Variants in MAGI3 observed in about 807,000 individuals in gnomAD.
The protein encoded by MAGI3 is membrane-associated guanylate kinase, WW and PDZ domain-containing protein 3.
Under a neutral mutation model 121.8 loss-of-function variants are expected in MAGI3, and 43 were observed. The ratio of observed to expected loss-of-function variants is 0.35; its 90% CI spans 0.28 to 0.46. MAGI3 has a LOEUF of 0.46. MAGI3 is among the 20% of genes least tolerant of loss of function. The probability of loss-of-function intolerance (pLI) is 1.00; values close to 1 mark genes in which losing one functional copy is unlikely to be tolerated. For missense variants in MAGI3, 1,547 were observed against 1,797.3 expected (o/e 0.86, Z 2.52); for synonymous variants, 553 against 639.3 (o/e 0.86, Z 2.04).
intron 6 of MAGI3, among the ~76,000 whole-genome samples, chr1:113,600,907 A>G (rs571766763): frequency 2.0e-4 from 31 of 152,338 alleles, no homozygotes; most frequent in African/African-American, 6.7e-4. Flanking sequence ...GCCCTCAGAA[A>G]TAGCGCCGCC....
chr1:113,676,748 C>A (rs973785372), intron 19 of MAGI3, among the ~76,000 whole-genome samples: 1 of 152,094 alleles, frequency 6.6e-6, no homozygotes, highest in African/African-American at 2.4e-5. Flanking sequence ...CTGAGTGCCC[C>A]TCTCTGCCTC....
At chr1:113,638,059 G>A (rs1234746226) in intron 9 of MAGI3, among the ~76,000 whole-genome samples, 2 of 152,114 alleles carry the variant, frequency 1.3e-5, no homozygotes, top group Admixed American at 1.3e-4. Flanking sequence ...CGTAGTTCTC[G>A]AGCCTTGGCT....
intron 16 of MAGI3, among the ~76,000 whole-genome samples, chr1:113,661,264 G>C (rs949167932): frequency 6.6e-6 from 1 of 152,146 alleles, no homozygotes; most frequent in Admixed American, 6.5e-5. Flanking sequence ...TCAGGTCTCT[G>C]TTTAAATCTC....
intron 1 of MAGI3, among the ~76,000 whole-genome samples, chr1:113,515,900 T>C (rs1657875034): frequency 6.6e-6 from 1 of 152,072 alleles, no homozygotes. Context: ...ATTGTACTAT[T>C]ATAGATCAAT....
chr1:113,421,496 G>C (rs1249034986), intron 1 of MAGI3, among the ~76,000 whole-genome samples: 1 of 152,136 alleles, frequency 6.6e-6, no homozygotes, highest in Non-Finnish European at 1.5e-5. Flanking sequence ...ATAAAATCCA[G>C]GCTTTAGAGC....
chr1:113,621,958 G>A (rs997214862), intron 8 of MAGI3, among the ~76,000 whole-genome samples: 1 of 152,064 alleles, frequency 6.6e-6, no homozygotes, highest in Non-Finnish European at 1.5e-5. Flanking sequence ...GATGTGGGTT[G>A]GGGAGAAATT....
chr1:113,391,468 G>C lies in MAGI3; in HGVS notation c.316+119G>C. ...GTCCCGGGTAATCTTAGACCTCTAG[G>C]GTGTGCCAGACTCCTTGACGAGGGG... On this transcript the variant is annotated intron_variant, in intron 1 of 20. Transcript: ENST00000307546. This position sits in a 1 kb window ranked among gnomAD's most constrained non-coding sequence, Gnocchi z 4.4. The C allele has an allele frequency of 8.6e-7, 1 of 1,158,440 alleles. No homozygotes were observed. Among genetic ancestry groups the C allele is most frequent in the South Asian group, 1.5e-5 (1 of 65,640 alleles). 71.8% of individuals were successfully genotyped at this position (1,158,440 alleles called of 1,614,324 possible).
intron 1 of MAGI3, among the ~76,000 whole-genome samples, chr1:113,517,388 C>T (rs980284011): frequency 9.9e-5 from 15 of 151,714 alleles, no homozygotes; most frequent in African/African-American, 3.6e-4. Flanking sequence ...AGCAAAATTT[C>T]ACCTAGTTGA....
At chr1:113,660,388 G>A (rs1206196294) in intron 16 of MAGI3, among the ~76,000 whole-genome samples, 2 of 151,950 alleles carry the variant, frequency 1.3e-5, no homozygotes, top group Non-Finnish European at 2.9e-5. Context: ...CTGTGATTTT[G>A]CTCTCAGCCT....
intron 1 of MAGI3, among the ~76,000 whole-genome samples, chr1:113,482,301 G>T (rs1656149432): frequency 6.6e-6 from 1 of 151,850 alleles, no homozygotes; most frequent in Non-Finnish European, 1.5e-5. Context: ...GTAGTCTTTT[G>T]ATAGTTGTCT....
chr1:113,618,184 T>C (rs545264194), intron 7 of MAGI3, among the ~76,000 whole-genome samples: 28 of 152,078 alleles, frequency 1.8e-4, no homozygotes, highest in African/African-American at 6.8e-4. Context: ...AAAATTTTTT[T>C]TAATTAGCTG....
intron 1 of MAGI3, among the ~76,000 whole-genome samples, chr1:113,394,272 A>G (rs1040868939): frequency 1.3e-5 from 2 of 152,144 alleles, no homozygotes; most frequent in Non-Finnish European, 2.9e-5. Flanking sequence ...TCCTGAATCA[A>G]TTAGGTAGTT....
intron 1 of MAGI3, among the ~76,000 whole-genome samples, chr1:113,530,781 T>G (rs1422055025): frequency 6.6e-6 from 1 of 151,860 alleles, no homozygotes; most frequent in Non-Finnish European, 1.5e-5. Flanking sequence ...TAAGCCCTGG[T>G]GGTGTGCACC....
chr1:113,586,000 A>C (rs1348876227), intron 4 of MAGI3, among the ~76,000 whole-genome samples: 1 of 152,202 alleles, frequency 6.6e-6, no homozygotes, highest in Non-Finnish European at 1.5e-5. Flanking sequence ...TATGCTGATA[A>C]AAATTATCTA....
chr1:113,560,121 CA>C (rs151011721), intron 2 of MAGI3, among the ~76,000 whole-genome samples: 9,896 of 152,222 alleles, frequency 0.065, 364 homozygotes, highest in Non-Finnish European at 0.075. Flanking sequence ...ATCACATAAT[CA>C]GAAGTAAAAC....
intron 1 of MAGI3, among the ~76,000 whole-genome samples, chr1:113,405,474 C>CAAAGAAAAAAAAA (rs1651625241): frequency 1.8e-5 from 1 of 54,328 alleles, no homozygotes; most frequent in Non-Finnish European, 3.1e-5. Flanking sequence ...GAAACTGTCT[C>CAAAGAAAAAAAAA]AAAAAAAAAA....
At chr1:113,549,171 A>G (rs1385469878) in intron 1 of MAGI3, among the ~76,000 whole-genome samples, 2 of 152,226 alleles carry the variant, frequency 1.3e-5, no homozygotes, top group Non-Finnish European at 2.9e-5. Context: ...TAGATCAAGG[A>G]TGGATACATG....
Position 113,391,402 on chromosome 1 carries a change from G to T in MAGI3, c.316+53G>T. 1 of 1,545,186 alleles carries T rather than the reference G, an allele frequency of 6.5e-7. No homozygotes were observed. Among genetic ancestry groups the T allele is most frequent in the Non-Finnish European group, 8.8e-7 (1 of 1,142,856 alleles). On this transcript the variant is annotated intron_variant, in intron 1 of 20. Coordinates refer to ENST00000307546, the MANE Select transcript of MAGI3 (RefSeq NM_001142782.2). This position sits in a 1 kb window ranked among gnomAD's most constrained non-coding sequence, Gnocchi z 4.4. ...GGGTGTTGGGGAGAGGGGCTTCAGG[G>T]TGGGCGTCCTGGGAGCGGCGGCACC...
rs775345420 is a variant in MAGI3, at chr1:113,681,316, C to G, written c.3308C>G (p.Thr1103Ser). The G allele has an allele frequency of 3.7e-6, 6 of 1,614,074 alleles. No individual in the cohort carries two copies. Among genetic ancestry groups the G allele is most frequent in the Non-Finnish European group, 5.1e-6 (6 of 1,179,996 alleles). Residue 1103 changes from threonine to serine, a missense_variant, in exon 20 of 21, where the codon ACT (threonine) becomes AGT (serine). Thr to Ser is a moderately conservative substitution (Grantham distance 58, BLOSUM62 1). Coordinates refer to ENST00000307546, the MANE Select transcript of MAGI3 (RefSeq NM_001142782.2). Reference sequence around the variant, plus strand: ...GTTCTTCTTCTTTTGAGGCCAGGAACTGGCTTGATACCTGACCATGGTAAG... The same window carrying G: ...GTTCTTCTTCTTTTGAGGCCAGGAAGTGGCTTGATACCTGACCATGGTAAG... ...NKVLLLLRPG[T>S]GLIPDHGDWD...
Sources: allele counts gnomAD v4.1 joint callset (sites outside exome capture counted in the v4.1 genomes callset), GRCh38; gene constraint gnomAD v4.1.1; non-coding constraint Gnocchi (gnomAD v3.1); transcripts MANE v1.5; gene names NCBI Gene and HGNC (gene_info 2026-07-23, HGNC 2026-07-21).